The following RIMS1 variants were observed in gnomAD, a reference collection of about 807,000 sequenced individuals.
RIMS1 encodes regulating synaptic membrane exocytosis protein 1.
RIMS1 carries 83 observed loss-of-function variants against 214.1 expected under a neutral mutation model. That is an observed-to-expected ratio of 0.39 (90% CI 0.32 to 0.47). RIMS1 has a LOEUF of 0.47. Among genes scored for constraint, RIMS1 ranks in the 20% least tolerant of loss-of-function variants. The pLI is 0.99. For missense variants in RIMS1, 2,050 were observed against 2,161.8 expected, an observed-to-expected ratio of 0.95 and a Z score of 1.03; for synonymous variants, 793 against 786.8, an observed-to-expected ratio of 1.01 and a Z score of -0.13.
chr6:72,008,191 T>A (rs1423352010), intron 2 of RIMS1, among the ~76,000 whole-genome samples: 1 of 152,164 alleles, frequency 6.6e-6, no homozygotes, highest in Non-Finnish European at 1.5e-5. Context: ...AGAAAAGAAT[T>A]TTCAAGCCAG....
intron 19 of RIMS1, chr6:72,262,151 C>A (rs1047510153): frequency 1.0e-6 from 1 of 979,112 alleles, no homozygotes; most frequent in Non-Finnish European, 1.2e-6. Flanking sequence ...ATACTCACAC[C>A]AGTGGTCTAA....
chr6:71,990,314 C>T (rs1018592737), intron 2 of RIMS1, among the ~76,000 whole-genome samples: 4 of 152,040 alleles, frequency 2.6e-5, no homozygotes, highest in Non-Finnish European at 4.4e-5. Context: ...CTTAATTGCA[C>T]GGTGAGGCTT....
chr6:72,001,540 G>A (rs910849906), intron 2 of RIMS1, among the ~76,000 whole-genome samples: 1 of 152,022 alleles, frequency 6.6e-6, no homozygotes, highest in Non-Finnish European at 1.5e-5. Flanking sequence ...TGTGCTCTTT[G>A]TTAGGGAAGG....
intron 2 of RIMS1, among the ~76,000 whole-genome samples, chr6:72,012,888 G>A (rs1344168713): frequency 2.0e-5 from 3 of 152,164 alleles, no homozygotes; most frequent in African/African-American, 7.2e-5. Context: ...ATTGTATGTT[G>A]AGACCATTCA....
intron 28 of RIMS1, among the ~76,000 whole-genome samples, chr6:72,319,239 A>T (rs1392120686): frequency 1.3e-5 from 2 of 152,108 alleles, no homozygotes; most frequent in African/African-American, 4.8e-5. Context: ...TCAGGAACAT[A>T]GAAGGAGATG....
intron 2 of RIMS1, among the ~76,000 whole-genome samples, chr6:72,060,599 TA>T (rs1827606321): frequency 6.6e-6 from 1 of 152,210 alleles, no homozygotes; most frequent in African/African-American, 2.4e-5. Flanking sequence ...TTCTCTTTCT[TA>T]TGCATTTTCT....
At chr6:72,003,192 C>T (rs149436725) in intron 2 of RIMS1, among the ~76,000 whole-genome samples, 56 of 152,232 alleles carry the variant, frequency 3.7e-4, no homozygotes, top group African/African-American at 1.2e-3. Flanking sequence ...CTCATCGACA[C>T]CCTGATGTGC....
At chr6:72,316,557 T>G in intron 28 of RIMS1, 1 of 386,732 alleles carries the variant, frequency 2.6e-6, no homozygotes, top group Non-Finnish European at 5.0e-6. Context: ...AAGCTGGGGA[T>G]GGGAGGTGGA....
At position 72,182,790 on chromosome 6, in the gene RIMS1, G is replaced by A; in HGVS notation, c.1319G>A (p.Gly440Asp). 1 of 1,546,338 alleles carries A rather than the reference G, an allele frequency of 6.5e-7. No individual in the cohort carries two copies. Among genetic ancestry groups the A allele is most frequent in the African/African-American group, 1.4e-5 (1 of 73,266 alleles). Reference protein sequence around the residue: ...AERTAETRAPGAKQLTNHSPP... With the variant: ...AERTAETRAPDAKQLTNHSPP... ...AGAACTGCGGAGACCAGGGCGCCGG[G>A]CGCCAAGCAGCTAACGAACCACAGC... Residue 440 changes from glycine (G) to aspartate (D), a missense_variant, in exon 6 of 34, where the codon GGC becomes GAC. Transcript: ENST00000521978.
At chr6:72,380,040 CAT>C (rs2098458558) in intron 29 of RIMS1, among the ~76,000 whole-genome samples, 1 of 152,174 alleles carries the variant, frequency 6.6e-6, no homozygotes, top group Non-Finnish European at 1.5e-5. Flanking sequence ...AAATATGGCA[CAT>C]ATACACCATG....
At chr6:72,278,191 C>A (rs2087774713) in intron 23 of RIMS1, among the ~76,000 whole-genome samples, 1 of 148,074 alleles carries the variant, frequency 6.8e-6, no homozygotes, top group Non-Finnish European at 1.5e-5. Flanking sequence ...ATCTATCTAT[C>A]TATCTATATA....
At chr6:72,030,323 C>G (rs189806997) in intron 2 of RIMS1, among the ~76,000 whole-genome samples, 1 of 152,252 alleles carries the variant, frequency 6.6e-6, no homozygotes, top group East Asian at 1.9e-4. Context: ...TTCAGAGAGA[C>G]TTTTCCCTCT....
At chr6:71,890,596 A>AAT (rs1554194854) in intron 1 of RIMS1, among the ~76,000 whole-genome samples, 1 of 112,950 alleles carries the variant, frequency 8.9e-6, no homozygotes, top group African/African-American at 3.5e-5. Flanking sequence ...AAAAAAAAAA[A>AAT]ACTTCATAGA....
chr6:72,242,555 T>C, intron 10 of RIMS1, 118 bp downstream of exon 10: 1 of 666,022 alleles, frequency 1.5e-6, no homozygotes, highest in Non-Finnish European at 2.4e-6. Flanking sequence ...TTGCATCAAT[T>C]ATGGGCATAC....
intron 29 of RIMS1, among the ~76,000 whole-genome samples, chr6:72,335,588 A>G (rs2096816192): frequency 6.6e-6 from 1 of 152,016 alleles, no homozygotes; most frequent in Admixed American, 6.6e-5. Context: ...ATATATACCC[A>G]GTAATGGGAT....
intron 2 of RIMS1, among the ~76,000 whole-genome samples, chr6:72,072,422 C>A (rs1178497406): frequency 6.6e-6 from 1 of 152,010 alleles, no homozygotes; most frequent in Non-Finnish European, 1.5e-5. Context: ...AAAGTGGGAT[C>A]AGTGAAGACC....
rs536078615 is a variant in RIMS1 at position 72,263,121 on chromosome 6, A to G, written c.3117-1854A>G. 5.2e-5 allele frequency: 51 copies of G among 984,334 alleles called. No individual in the cohort carries two copies. The African/African-American group carries it at 8.4e-4, about 16-fold the overall frequency. 61.0% of individuals were successfully genotyped at this position (984,334 alleles called of 1,614,324 possible). A position where few individuals can be genotyped will look rare whatever the true frequency, so the allele number is the denominator to read the frequency against. ...TGTCCTATGAGATGTTTCACCAATA[A>G]GAGTTTTTGTGAGTCAAATACATTT... On this transcript the variant is annotated intron_variant, in intron 19 of 33. Coordinates refer to ENST00000521978, the MANE Select transcript of RIMS1 (RefSeq NM_014989.7).
At chr6:72,213,660 G>A (rs572595840) in intron 6 of RIMS1, among the ~76,000 whole-genome samples, 1 of 152,152 alleles carries the variant, frequency 6.6e-6, no homozygotes, top group East Asian at 1.9e-4. Context: ...AATCATTAGT[G>A]GAATGTCAAT....
rs189229464 is a variant in RIMS1 at position 71,991,090 on chromosome 6, G to A, written c.245+22027G>A. 2.1e-3 allele frequency among the ~76,000 whole-genome samples: 320 copies of A among 151,982 alleles called. 2 individuals carry two copies. Among genetic ancestry groups the A allele is most frequent in the African/African-American group, 7.3e-3 (304 of 41,464 alleles). On this transcript the variant is annotated intron_variant, in intron 2 of 33. Coordinates refer to ENST00000521978, the MANE Select transcript of RIMS1 (RefSeq NM_014989.7). ...GAAAGATCAATGGTTTTTTTATAAG[G>A]TCAAAATTACCAGCCTCAGCTATAT... is the stretch of plus-strand genomic sequence containing the variant.
Sources: gnomAD v4.1 joint callset for allele counts (sites outside exome capture counted in the v4.1 genomes callset) on GRCh38, gnomAD v4.1.1 for gene constraint, MANE v1.5 for transcripts, NCBI Gene and HGNC (gene_info 2026-07-23, HGNC 2026-07-21) for gene names.